Variants in DPYD observed in about 807,000 individuals in gnomAD.
DPYD encodes dihydropyrimidine dehydrogenase [NADP(+)].
In DPYD, 109 loss-of-function variants were observed where a neutral mutation model predicts 116.2. The observed-to-expected ratio is 0.94, with a 90% CI of 0.80 to 1.10. The LOEUF (loss-of-function observed/expected upper bound fraction) is 1.10. Among genes scored for constraint, DPYD ranks in the 50% least tolerant of loss-of-function variants. DPYD has a pLI of 0.00. For missense variants in DPYD, 1,302 were observed against 1,254.5 expected (o/e 1.04, Z -0.57); for synonymous variants, 440 against 432.0 (o/e 1.02, Z -0.23).
At chr1:97,462,067 C>A (rs1210515424) in intron 13 of DPYD, among the ~76,000 whole-genome samples, 1 of 152,166 alleles carries the variant, frequency 6.6e-6, no homozygotes, top group Admixed American at 6.5e-5. Context: ...ATGGCCCTCA[C>A]AGGGTAAGGT....
intron 20 of DPYD, among the ~76,000 whole-genome samples, chr1:97,164,948 T>C (rs1383406480): frequency 2.0e-5 from 3 of 151,924 alleles, no homozygotes; most frequent in African/African-American, 7.3e-5. Flanking sequence ...GACCTCGTGA[T>C]CCACCTGCCT....
At chr1:97,526,254 G>A (rs968054863) in intron 12 of DPYD, among the ~76,000 whole-genome samples, 1 of 152,052 alleles carries the variant, frequency 6.6e-6, no homozygotes, top group Non-Finnish European at 1.5e-5. Flanking sequence ...GGGAATTCTC[G>A]AGGAAAGTAA....
chr1:97,754,530 A>C (rs1665123355), intron 3 of DPYD, among the ~76,000 whole-genome samples: 1 of 152,322 alleles, frequency 6.6e-6, no homozygotes, highest in East Asian at 1.9e-4. Context: ...AGTCAAGGTA[A>C]TAGTACTTAA....
At chr1:97,160,020 T>C (rs1316638932) in intron 20 of DPYD, among the ~76,000 whole-genome samples, 1 of 152,068 alleles carries the variant, frequency 6.6e-6, no homozygotes, top group Non-Finnish European at 1.5e-5. Context: ...ACTGATACTA[T>C]TATCATTAGG....
intron 14 of DPYD, among the ~76,000 whole-genome samples, chr1:97,443,097 T>A (rs1675892854): frequency 6.6e-6 from 1 of 152,210 alleles, no homozygotes; most frequent in African/African-American, 2.4e-5. Flanking sequence ...GATTCAAATC[T>A]GTTCTGACTC....
rs919086617 is a variant in DPYD, at chr1:97,814,561, C to A, written c.233+13553G>T. On this transcript the variant is annotated intron_variant, in intron 3 of 22. Coordinates refer to ENST00000370192, the MANE Select transcript of DPYD (RefSeq NM_000110.4). ...ATACAACTTTCTTACTGATTAGATG[C>A]GCATGTGAGAGAGAAAATTTTTTCC... Among the ~76,000 whole-genome samples the A allele has an allele frequency of 3.3e-5, 5 of 151,956 alleles. No individual in the cohort carries two copies. In the South Asian group the frequency reaches 1.0e-3, roughly 32 times the overall value.
intron 11 of DPYD, among the ~76,000 whole-genome samples, chr1:97,558,005 C>T (rs1008463332): frequency 5.3e-5 from 8 of 152,034 alleles, no homozygotes; most frequent in African/African-American, 1.9e-4. Flanking sequence ...GGTGTGGGGG[C>T]AAGAGAAAGC....
intron 20 of DPYD, among the ~76,000 whole-genome samples, chr1:97,151,342 A>G (rs1654998769): frequency 1.3e-5 from 2 of 152,188 alleles, no homozygotes; most frequent in Non-Finnish European, 2.9e-5. Flanking sequence ...TCCAGTCTCT[A>G]GATGAGAAAA....
chr1:97,309,366 A>T (rs957581811), intron 16 of DPYD, among the ~76,000 whole-genome samples: 9 of 115,150 alleles, frequency 7.8e-5, no homozygotes, highest in East Asian at 2.8e-4. Context: ...TGTGTGTGTG[A>T]GCATGTTCTT....
At chr1:97,197,445 A>G (rs1393681015) in intron 19 of DPYD, among the ~76,000 whole-genome samples, 1 of 152,176 alleles carries the variant, frequency 6.6e-6, no homozygotes, top group Non-Finnish European at 1.5e-5. Flanking sequence ...AAAATCACAT[A>G]ATGTCATGTA....
chr1:97,832,249 A>C (rs553541566), intron 2 of DPYD, among the ~76,000 whole-genome samples: 1 of 152,238 alleles, frequency 6.6e-6, no homozygotes, highest in African/African-American at 2.4e-5. Flanking sequence ...GCCCAGGGTT[A>C]TACAGCTAGC....
intron 5 of DPYD, among the ~76,000 whole-genome samples, chr1:97,717,496 G>A (rs77293675): frequency 0.031 from 4,755 of 151,874 alleles, 108 homozygotes; most frequent in African/African-American, 0.065. Flanking sequence ...TGTTACACTG[G>A]TAAGTTCTTT....
chr1:97,560,407 T>G (rs923122644), intron 11 of DPYD, among the ~76,000 whole-genome samples: 8 of 151,970 alleles, frequency 5.3e-5, no homozygotes, highest in Non-Finnish European at 1.5e-5. Flanking sequence ...TGCAGTTAAA[T>G]AGTAAAGGCA....
At chr1:97,381,004 GAT>G (rs1671925218) in intron 15 of DPYD, among the ~76,000 whole-genome samples, 1 of 152,112 alleles carries the variant, frequency 6.6e-6, no homozygotes, top group East Asian at 1.9e-4. Flanking sequence ...CCAGACTTAA[GAT>G]TATAGTGAAT....
chr1:97,510,004 G>C (rs1459127335), intron 13 of DPYD, among the ~76,000 whole-genome samples: 1 of 151,860 alleles, frequency 6.6e-6, no homozygotes, highest in African/African-American at 2.4e-5. Context: ...TCAAAACAAA[G>C]AGAGGAATAG....
chr1:97,668,758 G>A (rs1659702767), intron 8 of DPYD, among the ~76,000 whole-genome samples: 2 of 151,764 alleles, frequency 1.3e-5, no homozygotes, highest in African/African-American at 4.8e-5. Context: ...ATAGCAATCA[G>A]TTTTAAACTA....
chr1:97,445,594 A>G (rs552777294), intron 14 of DPYD, among the ~76,000 whole-genome samples: 15 of 152,042 alleles, frequency 9.9e-5, no homozygotes, highest in African/African-American at 3.6e-4. Flanking sequence ...CAACCCCTTC[A>G]CCATAAATTC....
chr1:97,663,309 A>C (rs1480059375), intron 8 of DPYD, among the ~76,000 whole-genome samples: 5 of 152,132 alleles, frequency 3.3e-5, no homozygotes, highest in African/African-American at 1.2e-4. Flanking sequence ...TTATTGGGTA[A>C]TTGTCACCAC....
intron 3 of DPYD, among the ~76,000 whole-genome samples, chr1:97,825,126 C>T (rs1030740400): frequency 2.6e-5 from 4 of 152,054 alleles, no homozygotes; most frequent in Non-Finnish European, 5.9e-5. Flanking sequence ...TGTAACCCCT[C>T]GTCCTTTTTA....
Sources: gnomAD v4.1 joint callset for allele counts (sites outside exome capture counted in the v4.1 genomes callset) on GRCh38, gnomAD v4.1.1 for gene constraint, MANE v1.5 for transcripts, NCBI Gene and HGNC (gene_info 2026-07-23, HGNC 2026-07-21) for gene names.